The following INSR variants were observed in gnomAD, a reference collection of about 807,000 sequenced individuals.
INSR encodes IR.
INSR carries 67 observed loss-of-function variants against 142.6 expected under a neutral mutation model. That is an observed-to-expected ratio of 0.47 (90% confidence interval 0.39 to 0.58). The LOEUF (loss-of-function observed/expected upper bound fraction) is 0.58. Ranked by LOEUF, INSR falls within the 20% of genes least tolerant of loss-of-function variation. The pLI, the probability that INSR is intolerant of heterozygous loss-of-function variation, is 0.00. For missense variants in INSR, 1,248 were observed against 1,833.2 expected, an observed-to-expected ratio of 0.68 and a Z score of 5.83; for synonymous variants, 756 against 743.1, an observed-to-expected ratio of 1.02 and a Z score of -0.28.
At chr19:7,135,299 A>ATCT (rs764356833) in intron 13 of INSR, among the ~76,000 whole-genome samples, 1 of 110,140 alleles carries the variant, frequency 9.1e-6, no homozygotes, top group Non-Finnish European at 1.8e-5. Flanking sequence ...GGGGAAATGC[A>ATCT]TCTTCTTTTT....
intron 9 of INSR, among the ~76,000 whole-genome samples, chr19:7,158,042 CTGGTAT>C: frequency 8.6e-6 from 1 of 116,694 alleles, no homozygotes; most frequent in African/African-American, 3.3e-5. Context: ...AGGGAAGCTC[CTGGTAT>C]TATTATTATT....
intron 2 of INSR, among the ~76,000 whole-genome samples, chr19:7,249,721 G>C (rs552014208): frequency 1.3e-5 from 2 of 152,084 alleles, no homozygotes; most frequent in South Asian, 4.1e-4. Flanking sequence ...GGCTGGGCGC[G>C]GTGGCTCACG....
chr19:7,231,951 G>C (rs1348609530), intron 2 of INSR, among the ~76,000 whole-genome samples: 2 of 151,538 alleles, frequency 1.3e-5, no homozygotes, highest in African/African-American at 4.8e-5. Context: ...CATATCTCAG[G>C]CTCTCATATG....
At chr19:7,273,020 G>A (rs571860341) in intron 1 of INSR, among the ~76,000 whole-genome samples, 1 of 152,292 alleles carries the variant, frequency 6.6e-6, no homozygotes, top group East Asian at 1.9e-4. Context: ...AGTAGCTAGA[G>A]GGTACAGGGT....
At chr19:7,219,569 A>G (rs1199816044) in intron 2 of INSR, among the ~76,000 whole-genome samples, 6 of 112,336 alleles carry the variant, frequency 5.3e-5, no homozygotes, top group African/African-American at 2.2e-4. Context: ...GAGAGAAGGA[A>G]GGAAGGAAGG....
chr19:7,256,168 C>T lies in INSR; in HGVS notation c.652+11177G>A, dbSNP rs1465914859. 4.6e-5 allele frequency among the ~76,000 whole-genome samples: 7 copies of T among 151,998 alleles called. No homozygotes were observed. In the South Asian group the frequency reaches 1.0e-3, roughly 23 times the overall value. On this transcript the variant is annotated intron_variant, in intron 2 of 21. Coordinates refer to ENST00000302850, the MANE Select transcript of INSR (RefSeq NM_000208.4). Reference sequence around the variant, plus strand: ...ATGAATAAATAAGGGCTGGGCATGGCGGCTCACGCCTGTAATCCCAGCGCT... The same window carrying T: ...ATGAATAAATAAGGGCTGGGCATGGTGGCTCACGCCTGTAATCCCAGCGCT...
intron 15 of INSR, 40 bp from the exon 16 acceptor site, chr19:7,126,691 A>G (rs1599875763): frequency 1.3e-6 from 2 of 1,524,634 alleles, no homozygotes; most frequent in Middle Eastern, 1.7e-4. Context: ...TGAGATTCTC[A>G]TGGGACTCTG....
Position 7,267,550 on chromosome 19 carries a change from G to A in INSR, c.447C>T (p.Asn149=), listed in dbSNP as rs1330191050. Residue 149 remains asparagine (N), a synonymous_variant, in exon 2 of 22, where the codon AAC becomes AAT. Transcript: ENST00000302850. The surrounding 1 kb of genome is among the most constrained non-coding windows in gnomAD (Gnocchi z 6.3). ...TAGTGGCCAAGTAACAGAGCTCATTGTTCTTCTCGATGCGGACAGAACCCC... is the reference window on the plus strand; with the variant it reads ...TAGTGGCCAAGTAACAGAGCTCATTATTCTTCTCGATGCGGACAGAACCCC... ...ITRGSVRIEK[N]NELCYLATID... The A allele has an allele frequency of 6.2e-7, 1 of 1,614,088 alleles. No homozygotes were observed. The highest frequency in any genetic ancestry group is 2.2e-5 in the East Asian group (1 of 44,884).
At chr19:7,260,842 C>T (rs935854551) in intron 2 of INSR, among the ~76,000 whole-genome samples, 2 of 151,596 alleles carry the variant, frequency 1.3e-5, no homozygotes, top group African/African-American at 4.9e-5. Context: ...AATGGTAAAA[C>T]GAGACTGGAA....
chr19:7,284,750 G>C (rs549695645), intron 1 of INSR, among the ~76,000 whole-genome samples: 348 of 152,170 alleles, frequency 2.3e-3, no homozygotes, highest in African/African-American at 7.6e-3. Context: ...GGATGGTCTC[G>C]ATCTCCTGAC....
intron 13 of INSR, among the ~76,000 whole-genome samples, chr19:7,137,798 C>CAAAAAAAAAAAAA (rs1176523364): frequency 4.8e-5 from 2 of 41,468 alleles, no homozygotes; most frequent in African/African-American, 2.0e-4. Context: ...GACTCCATCT[C>CAAAAAAAAAAAAA]AAAAAAAAAA....
intron 9 of INSR, among the ~76,000 whole-genome samples, chr19:7,153,322 C>A (rs1973477068): frequency 6.9e-6 from 1 of 144,534 alleles, no homozygotes; most frequent in Non-Finnish European, 1.5e-5. Context: ...CACACACACA[C>A]CACACACACC....
At chr19:7,124,260 T>C (rs1483734761) in intron 17 of INSR, among the ~76,000 whole-genome samples, 1 of 150,592 alleles carries the variant, frequency 6.6e-6, no homozygotes, top group African/African-American at 2.4e-5. Flanking sequence ...TCCCAGCTAC[T>C]CGGGAGGCTG....
rs1426569593 is a variant in INSR at position 7,172,544 on chromosome 19, C to CA, written c.1124-111dup. The CA allele has an allele frequency of 6.1e-6, 7 of 1,139,612 alleles. No individual in the cohort carries two copies. The African/African-American group carries it at 1.1e-4, about 17-fold the overall frequency. 70.6% of individuals were successfully genotyped at this position (1,139,612 alleles called of 1,614,324 possible). A position where few individuals can be genotyped will look rare whatever the true frequency, so the allele number is the denominator to read the frequency against. The stretch of plus-strand genomic sequence containing the variant: ...CAGGCTGCAAATGACTGGACATACC[C>CA]AGCTCAAAACTCATCATGCTTAGAA... On this transcript the variant is annotated intron_variant, in intron 4 of 21. Transcript: ENST00000302850.
rs1372697511 is a variant in INSR, at chr19:7,125,314, G to A, written c.3227C>T (p.Ser1076Leu). ...ATGGCAGGTGAAGCCCTTCATGACC[G>A]AGGCCTCATTGAGGAACTCAATCCG... ...RERIEFLNEA[S>L]VMKGFTCHHV... is the part of the protein sequence containing the mutation. The change falls in exon 17 of 22, where the codon TCG (serine) becomes TTG (leucine). Residue 1076 changes from serine to leucine, a missense_variant. By Grantham distance (145) the Ser-to-Leu change is moderately radical (BLOSUM62 -2). Transcript: ENST00000302850. The surrounding 1 kb of genome is among the most constrained non-coding windows in gnomAD (Gnocchi z 4.9). The A allele has an allele frequency of 1.9e-6, 3 of 1,614,028 alleles. No homozygotes were observed. The highest frequency in any genetic ancestry group is 2.2e-5 in the East Asian group (1 of 44,872).
intron 1 of INSR, among the ~76,000 whole-genome samples, chr19:7,290,428 A>G (rs1968460367): frequency 6.6e-6 from 1 of 151,968 alleles, no homozygotes; most frequent in Admixed American, 6.6e-5. Flanking sequence ...ATAGCTAGAG[A>G]GATAGATACA....
At chr19:7,202,288 C>T (rs1974982211) in intron 2 of INSR, among the ~76,000 whole-genome samples, 1 of 152,166 alleles carries the variant, frequency 6.6e-6, no homozygotes. Context: ...TTCGTCTGTG[C>T]TTATTATTTC....
intron 9 of INSR, among the ~76,000 whole-genome samples, chr19:7,157,647 GT>G: frequency 6.6e-6 from 1 of 152,166 alleles, no homozygotes; most frequent in South Asian, 2.1e-4. Context: ...TGCAAGCACA[GT>G]TATGCCTCTG....
Position 7,125,629 on chromosome 19 carries a change from G to T in INSR, c.3014-102C>A. ...CCCAAACCCCCTCGAAAACACTCAT[G>T]AAATGAGTTCTGTGATCCAGGACCC... On this transcript the variant is annotated intron_variant, in intron 16 of 21. Coordinates refer to ENST00000302850, the MANE Select transcript of INSR (RefSeq NM_000208.4). This position sits in a 1 kb window ranked among gnomAD's most constrained non-coding sequence, Gnocchi z 4.9. The T allele has an allele frequency of 1.3e-6, 2 of 1,485,650 alleles. No individual in the cohort carries two copies. Among genetic ancestry groups the T allele is most frequent in the Non-Finnish European group, 1.9e-6 (2 of 1,080,242 alleles). The allele number at this position is 1,485,650 out of a possible 1,614,324, so 92.0% of individuals were successfully genotyped here.
Sources: allele counts gnomAD v4.1 joint callset (sites outside exome capture counted in the v4.1 genomes callset), GRCh38; gene constraint gnomAD v4.1.1; non-coding constraint Gnocchi (gnomAD v3.1); transcripts MANE v1.5; gene names NCBI Gene and HGNC (gene_info 2026-07-23, HGNC 2026-07-21).